ZNF550: variants seen among roughly 807,000 people sequenced by gnomAD.
The protein encoded by ZNF550 is zinc finger protein 550.
Under a neutral mutation model 40.2 loss-of-function variants are expected in ZNF550, and 42 were observed. The observed-to-expected ratio is 1.05, with a 90% CI of 0.82 to 1.35. The LOEUF (loss-of-function observed/expected upper bound fraction) is 1.35, where lower values mean the gene tolerates loss of function less well. Ranked by LOEUF, ZNF550 falls within the 40% of genes most tolerant of loss-of-function variation. The probability of loss-of-function intolerance (pLI) is 0.00; values close to 1 mark genes in which losing one functional copy is unlikely to be tolerated. For missense variants in ZNF550, 549 were observed against 525.2 expected, an observed-to-expected ratio of 1.05 and a Z score of -0.44; for synonymous variants, 223 against 198.6, an observed-to-expected ratio of 1.12 and a Z score of -1.03.
exon 4 of ZNF550, chr19:57,547,777 C>G: frequency 6.2e-7 from 1 of 1,614,160 alleles, no homozygotes; most frequent in Non-Finnish European, 8.5e-7. Context: ...ACCTTCAAGG[C>G]TCACTTTCCC....
intron 1 of ZNF550, 129 bp downstream of exon 1, chr19:57,559,527 C>T (rs2090151570): frequency 1.1e-6 from 1 of 897,768 alleles, no homozygotes; most frequent in Admixed American, 4.0e-5. Flanking sequence ...CCGCGCGACC[C>T]CCTTCTAGGC....
At chr19:57,547,241 T>G in exon 4 of ZNF550, 1 of 1,614,020 alleles carries the variant, frequency 6.2e-7, no homozygotes, top group Non-Finnish European at 8.5e-7. Context: ...GTGTGGATGA[T>G]GTAATGTTGA....
chr19:57,558,026 C>T (rs1462390158), intron 1 of ZNF550, among the ~76,000 whole-genome samples: 2 of 152,206 alleles, frequency 1.3e-5, no homozygotes, highest in African/African-American at 4.8e-5. Context: ...TTATCACTTC[C>T]ATTTCACAGT....
upstream of ZNF550, chr19:57,559,891 C>T (rs541533709): frequency 2.1e-5 from 9 of 437,308 alleles, no homozygotes; most frequent in Admixed American, 3.9e-5. Flanking sequence ...GCCTGCCACG[C>T]CTTTTCCTGC....
At chr19:57,558,547 T>C (rs1350966445) in intron 1 of ZNF550, among the ~76,000 whole-genome samples, 2 of 152,066 alleles carry the variant, frequency 1.3e-5, no homozygotes, top group Non-Finnish European at 2.9e-5. Context: ...CATTCCAGGG[T>C]TGGAAAAAGA....
rs114961196 is a variant in ZNF550, at chr19:57,543,213, A to G, written c.*549T>C. On this transcript the variant is annotated 3_prime_UTR_variant, in exon 5 of 5. Transcript: ENST00000457177. ...GTTTTTATTCCGTCAGCAATTTCTT[A>G]AATTTCTCTTTTCAACCTTAAGCAG... 3.8e-4 allele frequency: 362 copies of G among 958,538 alleles called. 2 individuals are homozygous for G. In the African/African-American group the frequency reaches 6.2e-3, roughly 16 times the overall value. The allele number at this position is 958,538 out of a possible 1,614,324, so 59.4% of individuals were successfully genotyped here.
upstream of ZNF550, among the ~76,000 whole-genome samples, chr19:57,561,304 C>G (rs907920407): frequency 1.3e-5 from 2 of 152,164 alleles, no homozygotes; most frequent in Admixed American, 6.5e-5. The surrounding 1 kb of genome is among the most constrained non-coding windows in gnomAD (Gnocchi z 4.9). Flanking sequence ...ACCAATAAGG[C>G]AGAGAGAAAC....
chr19:57,545,245 G>C (rs1020300867), intron 4 of ZNF550, among the ~76,000 whole-genome samples: 2 of 152,156 alleles, frequency 1.3e-5, no homozygotes, highest in Non-Finnish European at 2.9e-5. Flanking sequence ...TAAAATGCTA[G>C]GCACTTTATT....
intron 4 of ZNF550, chr19:57,543,269 C>G: frequency 1.2e-6 from 1 of 823,096 alleles, no homozygotes; most frequent in Non-Finnish European, 1.5e-6. Flanking sequence ...TTACTGTGAA[C>G]ATTTCAAACA....
chr19:57,547,940 A>T, exon 4 of ZNF550: 1 of 1,614,154 alleles, frequency 6.2e-7, no homozygotes, highest in South Asian at 1.1e-5. Flanking sequence ...GCCCGCTCAG[A>T]TAAGACTGGC....
At chr19:57,544,076 AC>A in intron 4 of ZNF550, 1 of 985,366 alleles carries the variant, frequency 1.0e-6, no homozygotes, top group Non-Finnish European at 1.2e-6. Context: ...AATATATTGC[AC>A]CTGTTCTCAT....
upstream of ZNF550, among the ~76,000 whole-genome samples, chr19:57,560,444 G>C (rs1397706962): frequency 6.6e-6 from 1 of 152,228 alleles, no homozygotes; most frequent in Non-Finnish European, 1.5e-5. Context: ...TGACACCATC[G>C]TGAGAAAGAA....
Position 57,550,412 on chromosome 19 carries a change from A to C in ZNF550, c.250+2215T>G, listed in dbSNP as rs148069615. On this transcript the variant is annotated intron_variant, in intron 3 of 4. Coordinates refer to ENST00000457177, the Ensembl canonical transcript of ZNF550. The stretch of plus-strand genomic sequence containing the variant: ...TTCTTCATAATCTCCAAACAAGGTA[A>C]ACAATACAAATGTCAACCAATAGGA... 4.9e-3 allele frequency among the ~76,000 whole-genome samples: 748 copies of C among 152,360 alleles called. 6 individuals are homozygous for C. The highest frequency in any genetic ancestry group is 0.016 in the African/African-American group (684 of 41,582).
At chr19:57,544,019 T>C in intron 4 of ZNF550, 1 of 985,456 alleles carries the variant, frequency 1.0e-6, no homozygotes, top group Non-Finnish European at 1.2e-6. Flanking sequence ...TACTGTAAGT[T>C]CAAAACTTCT....
chr19:57,543,833 G>T, intron 4 of ZNF550: 1 of 491,138 alleles, frequency 2.0e-6, no homozygotes, highest in Non-Finnish European at 2.6e-6. Context: ...AGCTACTCGG[G>T]AGGCTGAGGC....
Position 57,556,376 on chromosome 19 carries a change from G to T in ZNF550, c.28-19C>A, listed in dbSNP as rs202086990. On this transcript the variant is annotated intron_variant, in intron 1 of 4. Transcript: ENST00000457177. Reference sequence around the variant, plus strand: ...CCAACATCTGGAAAGTCAAACAGAAGTAATGCTATTGGCCTTGTGTTGTCG... The same window carrying T: ...CCAACATCTGGAAAGTCAAACAGAATTAATGCTATTGGCCTTGTGTTGTCG... 301 of 1,609,120 alleles carry T rather than the reference G, an allele frequency of 1.9e-4. 2 individuals carry two copies. The highest frequency in any genetic ancestry group is 3.3e-4 in the Middle Eastern group (2 of 6,042).
At chr19:57,558,629 CAG>C (rs1250694403) in intron 1 of ZNF550, among the ~76,000 whole-genome samples, 1 of 152,074 alleles carries the variant, frequency 6.6e-6, no homozygotes, top group Non-Finnish European at 1.5e-5. Flanking sequence ...GACAAGAAAA[CAG>C]AGCAAGGAGA....
At chr19:57,546,295 G>T (rs1332432902) in intron 4 of ZNF550, among the ~76,000 whole-genome samples, 1 of 151,674 alleles carries the variant, frequency 6.6e-6, no homozygotes, top group Admixed American at 6.6e-5. Flanking sequence ...AGAAATGCCT[G>T]AAGAGCTGCC....
intron 3 of ZNF550, 107 bp from the exon 4 acceptor site, chr19:57,548,100 T>C (rs535564688): frequency 2.9e-6 from 3 of 1,033,324 alleles, no homozygotes; most frequent in East Asian, 2.4e-5. Context: ...GTGCCTATGA[T>C]ACTTGCTGCA....
Sources: allele counts gnomAD v4.1 joint callset (sites outside exome capture counted in the v4.1 genomes callset), GRCh38; gene constraint gnomAD v4.1.1; non-coding constraint Gnocchi (gnomAD v3.1); transcripts MANE v1.5; gene names NCBI Gene and HGNC (gene_info 2026-07-23, HGNC 2026-07-21).